The following SLC2A13 variants were observed in gnomAD, a reference collection of about 807,000 sequenced individuals.
SLC2A13 encodes solute carrier family 2 member 13.
In SLC2A13, 32 loss-of-function variants were observed where a neutral mutation model predicts 64.4. That is an observed-to-expected ratio of 0.50 (90% CI 0.37 to 0.67). SLC2A13 has a LOEUF of 0.67. Among genes scored for constraint, SLC2A13 ranks in the 30% least tolerant of loss-of-function variants. The pLI, the probability that SLC2A13 is intolerant of heterozygous loss-of-function variation, is 0.00. For missense variants in SLC2A13, 743 were observed against 829.2 expected (o/e 0.90, Z 1.28); for synonymous variants, 338 against 327.1 (o/e 1.03, Z -0.36).
chr12:39,771,228 T>A (rs1421235016), intron 7 of SLC2A13, among the ~76,000 whole-genome samples: 1 of 152,132 alleles, frequency 6.6e-6, no homozygotes, highest in Non-Finnish European at 1.5e-5. Flanking sequence ...TTTTCATGCC[T>A]TGTGTAGTTC....
At chr12:40,052,439 A>G (rs1161991467) in intron 1 of SLC2A13, among the ~76,000 whole-genome samples, 2 of 152,152 alleles carry the variant, frequency 1.3e-5, no homozygotes, top group African/African-American at 2.4e-5. Flanking sequence ...TGGGCAAATC[A>G]TGAGGTATAT....
chr12:40,095,461 G>T (rs1938907953), intron 1 of SLC2A13, among the ~76,000 whole-genome samples: 1 of 152,188 alleles, frequency 6.6e-6, no homozygotes, highest in Non-Finnish European at 1.5e-5. Flanking sequence ...GTCCATACAA[G>T]TAGGTTCTAT....
At chr12:39,953,275 G>C (rs765299571) in intron 3 of SLC2A13, among the ~76,000 whole-genome samples, 3 of 151,940 alleles carry the variant, frequency 2.0e-5, no homozygotes, top group Admixed American at 6.6e-5. Flanking sequence ...TTTAAAATCT[G>C]GATTTTATAT....
intron 1 of SLC2A13, among the ~76,000 whole-genome samples, chr12:40,102,470 A>G (rs1303384088): frequency 6.6e-6 from 1 of 152,202 alleles, no homozygotes; most frequent in Non-Finnish European, 1.5e-5. Context: ...CATTTATTCA[A>G]CAAGTATCTC....
At chr12:39,772,871 CTCA>C (rs10542752) in intron 7 of SLC2A13, among the ~76,000 whole-genome samples, 118,752 of 151,774 alleles carry the variant, frequency 0.78, 46,912 homozygotes, top group Non-Finnish European at 0.84. Flanking sequence ...CAAGTAGCTC[CTCA>C]TCATCCTCAT....
At chr12:40,035,604 G>A (rs180863594) in intron 2 of SLC2A13, among the ~76,000 whole-genome samples, 1 of 152,158 alleles carries the variant, frequency 6.6e-6, no homozygotes, top group East Asian at 1.9e-4. Context: ...GTGCACAGAT[G>A]GAATCTTTCA....
chr12:39,845,103 T>C (rs544811412), intron 6 of SLC2A13, among the ~76,000 whole-genome samples: 5 of 152,210 alleles, frequency 3.3e-5, no homozygotes, highest in Non-Finnish European at 5.9e-5. Flanking sequence ...TATCACAACT[T>C]GAAATTTGAA....
At chr12:39,797,270 C>T (rs1941607433) in intron 7 of SLC2A13, among the ~76,000 whole-genome samples, 1 of 152,186 alleles carries the variant, frequency 6.6e-6, no homozygotes, top group African/African-American at 2.4e-5. Context: ...ATTATGTTTG[C>T]AATGTAATTA....
At chr12:39,776,617 C>T (rs995918591) in intron 7 of SLC2A13, among the ~76,000 whole-genome samples, 5 of 152,158 alleles carry the variant, frequency 3.3e-5, no homozygotes, top group East Asian at 1.9e-4. Context: ...AGAAGGGTCA[C>T]GGAGTTGACA....
At chr12:39,992,047 C>T (rs1947147093) in intron 3 of SLC2A13, among the ~76,000 whole-genome samples, 1 of 152,136 alleles carries the variant, frequency 6.6e-6, no homozygotes, top group African/African-American at 2.4e-5. Context: ...GCAATTGTAG[C>T]AGGGATTACA....
At chr12:40,101,025 T>C (rs1030149996) in intron 1 of SLC2A13, among the ~76,000 whole-genome samples, 2 of 144,988 alleles carry the variant, frequency 1.4e-5, no homozygotes, top group Non-Finnish European at 3.0e-5. Context: ...ATTTCTGGGA[T>C]GGAAAACGTA....
intron 3 of SLC2A13, among the ~76,000 whole-genome samples, chr12:39,987,177 T>C (rs145962438): frequency 2.4e-4 from 36 of 152,240 alleles, no homozygotes; most frequent in Admixed American, 4.6e-4. Flanking sequence ...CATGGCAAGA[T>C]TGCCATGAAT....
Position 39,945,557 on chromosome 12 carries a change from TTTTC to T in SLC2A13, c.1034+5696_1034+5699del, listed in dbSNP as rs1426975666. ...GGCTTTGTTCATATTTTCTTATTTT[TTTTC>T]TTTGTCTTTGTTGGATTGGATTAAT... is the stretch of plus-strand genomic sequence containing the variant. On this transcript the variant is annotated intron_variant, in intron 4 of 9. Transcript: ENST00000280871. 5.3e-5 allele frequency among the ~76,000 whole-genome samples: 8 copies of T among 152,212 alleles called. No individual in the cohort carries two copies. The East Asian group carries it at 1.4e-3, about 26-fold the overall frequency.
At chr12:40,058,710 T>C (rs958937765) in intron 1 of SLC2A13, among the ~76,000 whole-genome samples, 4 of 152,242 alleles carry the variant, frequency 2.6e-5, no homozygotes, top group Non-Finnish European at 4.4e-5. Flanking sequence ...TGAAACATTT[T>C]ACAACATTTG....
At chr12:40,071,187 T>C (rs1255225944) in intron 1 of SLC2A13, among the ~76,000 whole-genome samples, 2 of 152,200 alleles carry the variant, frequency 1.3e-5, no homozygotes, top group Admixed American at 1.3e-4. Context: ...GTGTCTATTC[T>C]TTCACCACAC....
At chr12:39,896,167 T>C (rs932133578) in intron 4 of SLC2A13, among the ~76,000 whole-genome samples, 1 of 148,076 alleles carries the variant, frequency 6.8e-6, no homozygotes, top group Admixed American at 6.8e-5. Context: ...CGTGTATACA[T>C]ATATGAATAT....
At chr12:39,824,963 G>A (rs1002868843) in intron 7 of SLC2A13, among the ~76,000 whole-genome samples, 1 of 152,096 alleles carries the variant, frequency 6.6e-6, no homozygotes, top group African/African-American at 2.4e-5. Context: ...TAATGACAAG[G>A]GATTTAAACT....
chr12:39,938,611 T>C (rs1236655389), intron 4 of SLC2A13, among the ~76,000 whole-genome samples: 1 of 151,592 alleles, frequency 6.6e-6, no homozygotes, highest in East Asian at 1.9e-4. Flanking sequence ...CAAGAAAATA[T>C]ATTTTCATCA....
chr12:39,993,419 T>G (rs1947172468), intron 3 of SLC2A13, among the ~76,000 whole-genome samples: 2 of 152,242 alleles, frequency 1.3e-5, no homozygotes, highest in Non-Finnish European at 2.9e-5. Flanking sequence ...CAGATGCTGT[T>G]TAAGAGATAG....
Sources: allele counts gnomAD v4.1 joint callset (sites outside exome capture counted in the v4.1 genomes callset), GRCh38; gene constraint gnomAD v4.1.1; transcripts MANE v1.5; gene names NCBI Gene and HGNC (gene_info 2026-07-23, HGNC 2026-07-21).